FBXO11: variants seen among roughly 807,000 people sequenced by gnomAD.
FBXO11 encodes F-box protein 11.
FBXO11 carries 13 observed loss-of-function variants against 117.0 expected under a neutral mutation model. The ratio of observed to expected loss-of-function variants is 0.11; its 90% CI spans 0.07 to 0.18. The LOEUF is 0.18. Among genes scored for constraint, FBXO11 ranks in the 10% least tolerant of loss-of-function variants. The probability of loss-of-function intolerance (pLI) is 1.00; values close to 1 mark genes in which losing one functional copy is unlikely to be tolerated. For missense variants in FBXO11, 767 were observed against 1,164.4 expected, an observed-to-expected ratio of 0.66 and a Z score of 4.97; for synonymous variants, 490 against 380.5, an observed-to-expected ratio of 1.29 and a Z score of -3.35.
chr2:47,807,153 A>ACATACTTGT lies in FBXO11; in HGVS notation c.*964_*965insACAAGTATG. On this transcript the variant is annotated 3_prime_UTR_variant, in exon 23 of 23. Coordinates refer to ENST00000403359, the MANE Select transcript of FBXO11 (RefSeq NM_001190274.2). ...GCTATGAAACTGTATAGGGCTGTAT[A>ACATACTTGT]TATACTTGTCTCAGCTTAATGCAGG... is the stretch of plus-strand genomic sequence containing the variant. 1 of 336,282 alleles carries ACATACTTGT rather than the reference A, an allele frequency of 3.0e-6. No homozygotes were observed. Among genetic ancestry groups the ACATACTTGT allele is most frequent in the Non-Finnish European group, 5.5e-6 (1 of 183,286 alleles). 20.8% of individuals were successfully genotyped at this position (336,282 alleles called of 1,614,324 possible). A position where few individuals can be genotyped will look rare whatever the true frequency, so the allele number is the denominator to read the frequency against.
intron 5 of FBXO11, among the ~76,000 whole-genome samples, chr2:47,835,123 G>C (rs375247514): frequency 1.3e-5 from 2 of 152,122 alleles, no homozygotes; most frequent in African/African-American, 4.8e-5. Flanking sequence ...TGTTATGGGG[G>C]CTGTCCTGTG....
chr2:47,830,350 C>G lies in FBXO11; in HGVS notation c.1398+1999G>C, dbSNP rs571772084. On this transcript the variant is annotated intron_variant, in intron 11 of 22. Transcript: ENST00000403359. ...TAGGGATTCTCGCATGGCAAGAATT[C>G]AAGCTACAATATCCATAAGGCGTTC... Among the ~76,000 whole-genome samples, 21 of 151,998 alleles carry G rather than the reference C, an allele frequency of 1.4e-4. 1 individual carries two copies. The South Asian group carries it at 4.4e-3, about 32-fold the overall frequency.
intron 1 of FBXO11, among the ~76,000 whole-genome samples, chr2:47,878,859 A>C (rs1486628608): frequency 6.6e-6 from 1 of 151,882 alleles, no homozygotes; most frequent in Non-Finnish European, 1.5e-5. Context: ...GATGCCTGTA[A>C]TCCCGGCTAC....
At chr2:47,875,709 C>T (rs1675953135) in intron 1 of FBXO11, among the ~76,000 whole-genome samples, 1 of 152,046 alleles carries the variant, frequency 6.6e-6, no homozygotes, top group African/African-American at 2.4e-5. Flanking sequence ...TGGTAGATCT[C>T]TAAGAATACA....
intron 1 of FBXO11, among the ~76,000 whole-genome samples, chr2:47,872,561 T>C (rs561743100): frequency 1.3e-5 from 2 of 152,300 alleles, no homozygotes; most frequent in African/African-American, 4.8e-5. Flanking sequence ...TGACCTCAGG[T>C]GATCCGCGTG....
At chr2:47,858,795 A>G (rs1459435516) in intron 1 of FBXO11, among the ~76,000 whole-genome samples, 2 of 151,986 alleles carry the variant, frequency 1.3e-5, no homozygotes, top group East Asian at 3.9e-4. Flanking sequence ...CTGTAATGCC[A>G]GCACCTTGGG....
intron 1 of FBXO11, among the ~76,000 whole-genome samples, chr2:47,841,124 G>T (rs1226879674): frequency 6.6e-6 from 1 of 151,250 alleles, no homozygotes; most frequent in Non-Finnish European, 1.5e-5. Flanking sequence ...TGTGAACCCG[G>T]GAGGCAGAGC....
chr2:47,854,273 A>C (rs1433732694), intron 1 of FBXO11, among the ~76,000 whole-genome samples: 1 of 150,584 alleles, frequency 6.6e-6, no homozygotes, highest in African/African-American at 2.4e-5. Context: ...TTTTTTTTAA[A>C]CCTACCTATC....
chr2:47,851,369 A>G (rs558656506), intron 1 of FBXO11, among the ~76,000 whole-genome samples: 1 of 151,794 alleles, frequency 6.6e-6, no homozygotes, highest in South Asian at 2.1e-4. Flanking sequence ...TGGGACTACT[A>G]ATTTTGTATT....
chr2:47,871,842 A>C (rs1381538870), intron 1 of FBXO11, among the ~76,000 whole-genome samples: 2 of 152,254 alleles, frequency 1.3e-5, no homozygotes, highest in Non-Finnish European at 2.9e-5. Context: ...GACATGAGCA[A>C]TGTGCTTTTA....
At chr2:47,863,055 C>CA (rs763187950) in intron 1 of FBXO11, among the ~76,000 whole-genome samples, 1,590 of 73,614 alleles carry the variant, frequency 0.022, 11 homozygotes, top group Middle Eastern at 0.038. Context: ...AACTGTGTCT[C>CA]AAAAAAAAAA....
At chr2:47,896,513 A>G (rs937402279) in intron 1 of FBXO11, among the ~76,000 whole-genome samples, 3 of 152,026 alleles carry the variant, frequency 2.0e-5, no homozygotes, top group African/African-American at 7.2e-5. Flanking sequence ...TATTTTCTGT[A>G]GAGACGGGGT....
At chr2:47,815,234 AG>A (rs1670927527) in intron 16 of FBXO11, among the ~76,000 whole-genome samples, 1 of 152,210 alleles carries the variant, frequency 6.6e-6, no homozygotes, top group African/African-American at 2.4e-5. Context: ...TTGGACACAA[AG>A]GATCTGGCCT....
In FBXO11 at chr2:47,807,948, T is replaced by C. The variant is rs1012793170; in HGVS notation, c.*170A>G. 13 of 626,020 alleles carry C rather than the reference T, an allele frequency of 2.1e-5. No individual in the cohort carries two copies. In the South Asian group the frequency reaches 2.1e-4, roughly 10 times the overall value. The allele number at this position is 626,020 out of a possible 1,614,324, so 38.8% of individuals were successfully genotyped here. On this transcript the variant is annotated 3_prime_UTR_variant, in exon 23 of 23. Coordinates refer to ENST00000403359, the MANE Select transcript of FBXO11 (RefSeq NM_001190274.2). ...AGCTTTGAGATCCTGAGTCAATATA[T>C]TGCCACTTTCTTTTTGGTAGCTTGA...
At chr2:47,869,105 T>C (rs1349482305) in intron 1 of FBXO11, among the ~76,000 whole-genome samples, 1 of 152,150 alleles carries the variant, frequency 6.6e-6, no homozygotes, top group Non-Finnish European at 1.5e-5. Context: ...GTGTGCTATA[T>C]ACAGTGTTAT....
chr2:47,811,412 A>C (rs1005908445), intron 18 of FBXO11: 1 of 152,084 alleles, frequency 6.6e-6, no homozygotes, highest in Admixed American at 6.6e-5. Flanking sequence ...TTTAGGTTTC[A>C]CCATGTTGGC....
intron 3 of FBXO11, among the ~76,000 whole-genome samples, 169 bp downstream of exon 3, chr2:47,839,250 C>A (rs963532431): frequency 6.6e-6 from 1 of 152,006 alleles, no homozygotes; most frequent in African/African-American, 2.4e-5. Flanking sequence ...CATTTTTATA[C>A]AACAATAAAA....
intron 7 of FBXO11, 39 bp downstream of exon 7, chr2:47,834,540 A>G: frequency 1.4e-6 from 2 of 1,470,614 alleles, no homozygotes; most frequent in Non-Finnish European, 1.8e-6. Flanking sequence ...ATAAATGAGT[A>G]AAATATTAAA....
chr2:47,898,799 G>T (rs1053124384), intron 1 of FBXO11, among the ~76,000 whole-genome samples: 21 of 152,194 alleles, frequency 1.4e-4, no homozygotes, highest in African/African-American at 4.8e-4. Context: ...TGCATCCCCT[G>T]AAAGTTATAC....
Sources: gnomAD v4.1 joint callset for allele counts (sites outside exome capture counted in the v4.1 genomes callset) on GRCh38, gnomAD v4.1.1 for gene constraint, MANE v1.5 for transcripts, NCBI Gene and HGNC (gene_info 2026-07-23, HGNC 2026-07-21) for gene names.